The following CGNL1 variants were observed in gnomAD, a reference collection of about 807,000 sequenced individuals.
CGNL1 encodes the protein cingulin-like protein 1.
CGNL1 carries 132 observed loss-of-function variants against 141.2 expected under a neutral mutation model. The observed-to-expected ratio is 0.93, with a 90% CI of 0.81 to 1.08. The LOEUF (loss-of-function observed/expected upper bound fraction) is 1.08. Among genes scored for constraint, CGNL1 ranks in the 50% least tolerant of loss-of-function variants. CGNL1 has a pLI of 0.00. For missense variants in CGNL1, 1,870 were observed against 1,588.6 expected (o/e 1.18, Z -3.01); for synonymous variants, 690 against 622.1 (o/e 1.11, Z -1.63).
At chr15:57,422,863 G>C (rs1207830174) in intron 1 of CGNL1, among the ~76,000 whole-genome samples, 1 of 152,134 alleles carries the variant, frequency 6.6e-6, no homozygotes, top group Non-Finnish European at 1.5e-5. Flanking sequence ...GTTTGGGCCT[G>C]AAAATTTGGA....
chr15:57,438,399 G>T lies in CGNL1; in HGVS notation c.400G>T (p.Asp134Tyr). ...EGKNGVLDRK[D>Y]GSVKPSHLLN... ...CAAGAATGGAGTTCTAGATCGCAAA[G>T]ACGGGTCTGTGAAGCCATCTCACCT... is the stretch of plus-strand genomic sequence containing the variant. Residue 134 changes from aspartate (D) to tyrosine (Y), a missense_variant, in exon 2 of 19, where the codon GAC (aspartate) becomes TAC (tyrosine). Coordinates refer to ENST00000281282, the MANE Select transcript of CGNL1 (RefSeq NM_032866.5). 2 of 1,614,214 alleles carry T rather than the reference G, an allele frequency of 1.2e-6. No homozygotes were observed. Among genetic ancestry groups the T allele is most frequent in the Non-Finnish European group, 8.5e-7 (1 of 1,180,042 alleles).
chr15:57,415,045 C>T (rs576752794), intron 1 of CGNL1, among the ~76,000 whole-genome samples: 23 of 152,152 alleles, frequency 1.5e-4, no homozygotes, highest in Non-Finnish European at 3.1e-4. Context: ...TCTTATGGAA[C>T]CCATGGCAGG....
Position 57,523,481 on chromosome 15 carries a change from A to T in CGNL1, c.2716-8A>T. ...GTGACAGCACTGTCCTTTCCCTGCC[A>T]TTTGCAGGGAAATCTGAGTCAGACT... On this transcript the variant is annotated splice_region_variant and splice_polypyrimidine_tract_variant and intron_variant, in intron 10 of 18. Coordinates refer to ENST00000281282, the MANE Select transcript of CGNL1 (RefSeq NM_032866.5). 6.2e-7 allele frequency: 1 copy of T among 1,614,020 alleles called. No homozygotes were observed. The highest frequency in any genetic ancestry group is 8.5e-7 in the Non-Finnish European group (1 of 1,179,996).
chr15:57,404,567 G>A (rs984791187), intron 1 of CGNL1, among the ~76,000 whole-genome samples: 14 of 152,108 alleles, frequency 9.2e-5, no homozygotes, highest in African/African-American at 2.9e-4. Context: ...TAGTGGCTTC[G>A]TTTAGTTATT....
At chr15:57,536,466 C>T (rs1298573232) in intron 14 of CGNL1, among the ~76,000 whole-genome samples, 2 of 152,030 alleles carry the variant, frequency 1.3e-5, no homozygotes, top group African/African-American at 4.8e-5. Context: ...AGTCTGACTG[C>T]TATGAAGGAG....
chr15:57,465,258 G>A (rs2063496926), intron 8 of CGNL1, among the ~76,000 whole-genome samples: 1 of 152,030 alleles, frequency 6.6e-6, no homozygotes, highest in Non-Finnish European at 1.5e-5. Context: ...ATATTTGGAG[G>A]AGAGTGAATT....
chr15:57,531,040 T>C (rs1455654768), intron 13 of CGNL1, among the ~76,000 whole-genome samples: 1 of 152,220 alleles, frequency 6.6e-6, no homozygotes, highest in African/African-American at 2.4e-5. Flanking sequence ...GAAGCCTCTT[T>C]TCTTCATACA....
intron 8 of CGNL1, among the ~76,000 whole-genome samples, chr15:57,476,296 C>G (rs2063656966): frequency 6.6e-6 from 1 of 152,138 alleles, no homozygotes; most frequent in African/African-American, 2.4e-5. Context: ...TATGGGTGGG[C>G]AAGGACATTC....
chr15:57,451,683 G>T, intron 5 of CGNL1, 82 bp downstream of exon 5: 1 of 957,580 alleles, frequency 1.0e-6, no homozygotes, highest in Non-Finnish European at 1.6e-6. Flanking sequence ...GGGATAACCA[G>T]AGTGAAAGCC....
chr15:57,513,274 GTGTGTGTGTGTGTGTGTGTGTT>G (rs55914422), intron 8 of CGNL1, among the ~76,000 whole-genome samples: 17,893 of 148,860 alleles, frequency 0.12, 1,595 homozygotes, highest in East Asian at 0.44. Context: ...GTGTGTGTGT[GTGTGTGTGTGTGTGTGTGTGTT>G]TGTGTGATTG....
At chr15:57,466,680 T>A (rs539742592) in intron 8 of CGNL1, among the ~76,000 whole-genome samples, 2 of 152,272 alleles carry the variant, frequency 1.3e-5, no homozygotes, top group African/African-American at 4.8e-5. Flanking sequence ...GATGAATGAA[T>A]AGACAAAAAG....
intron 14 of CGNL1, 99 bp downstream of exon 14, chr15:57,531,878 T>G: frequency 2.7e-6 from 2 of 737,182 alleles, no homozygotes; most frequent in African/African-American, 3.5e-5. Flanking sequence ...GAGAGAAAAA[T>G]TCATGCCATC....
At chr15:57,411,708 G>A (rs914483760) in intron 1 of CGNL1, among the ~76,000 whole-genome samples, 2 of 151,424 alleles carry the variant, frequency 1.3e-5, no homozygotes, top group Admixed American at 1.3e-4. Flanking sequence ...GCCTCCCAAA[G>A]TGCTGGGATT....
chr15:57,523,597 G>A lies in CGNL1; in HGVS notation c.2824G>A (p.Glu942Lys), dbSNP rs756676290. The change falls in exon 11 of 19, where the codon GAG becomes AAG. Residue 942 changes from glutamate to lysine, a missense_variant. By Grantham distance (56) the Glu-to-Lys change is moderately conservative (BLOSUM62 1). Transcript: ENST00000281282. ...AAGGTTGAAGAACGAGATGGAGAAT[G>A]AGCGGTGGCACCTGGGCAAAACCAT... ...LRRLKNEMEN[E>K]RWHLGKTIEK... The A allele has an allele frequency of 7.4e-6, 12 of 1,614,072 alleles. No homozygotes were observed. In the Admixed American group the frequency reaches 2.0e-4, roughly 27 times the overall value.
chr15:57,447,477 A>T (rs549504537), intron 4 of CGNL1, among the ~76,000 whole-genome samples: 7 of 152,378 alleles, frequency 4.6e-5, no homozygotes, highest in African/African-American at 1.7e-4. Flanking sequence ...TCCATTGGAA[A>T]GCCAGCCATC....
intron 6 of CGNL1, 117 bp from the exon 7 acceptor site, chr15:57,453,566 G>T (rs1301180595): frequency 6.8e-6 from 9 of 1,324,868 alleles, no homozygotes; most frequent in Middle Eastern, 3.8e-4. Context: ...AACAGAGAAT[G>T]GGGAGGCTCC....
intron 10 of CGNL1, among the ~76,000 whole-genome samples, chr15:57,519,455 G>A (rs1379600753): frequency 1.3e-5 from 2 of 152,112 alleles, no homozygotes; most frequent in African/African-American, 4.8e-5. Context: ...GGAGAGGAAG[G>A]ATTCCCACAG....
chr15:57,411,708 G>T (rs914483760), intron 1 of CGNL1, among the ~76,000 whole-genome samples: 1 of 151,424 alleles, frequency 6.6e-6, no homozygotes. Context: ...GCCTCCCAAA[G>T]TGCTGGGATT....
chr15:57,380,564 T>G (rs1376779288), intron 1 of CGNL1, among the ~76,000 whole-genome samples: 1 of 152,128 alleles, frequency 6.6e-6, no homozygotes, highest in Non-Finnish European at 1.5e-5. Flanking sequence ...ACAGGAGGCA[T>G]AAGACATGCT....
Sources: gnomAD v4.1 joint callset for allele counts (sites outside exome capture counted in the v4.1 genomes callset) on GRCh38, gnomAD v4.1.1 for gene constraint, MANE v1.5 for transcripts, NCBI Gene and HGNC (gene_info 2026-07-23, HGNC 2026-07-21) for gene names.